The following KLF12 variants were observed in gnomAD, a reference collection of about 807,000 sequenced individuals.
KLF12 encodes the protein Krueppel-like factor 12.
KLF12 carries 9 observed loss-of-function variants against 37.8 expected under a neutral mutation model. The ratio of observed to expected loss-of-function variants is 0.24; its 90% CI spans 0.14 to 0.42. The LOEUF (loss-of-function observed/expected upper bound fraction) is 0.42. Among genes scored for constraint, KLF12 ranks in the 10% least tolerant of loss-of-function variants. The probability of loss-of-function intolerance (pLI) is 1.00; values close to 1 mark genes in which losing one functional copy is unlikely to be tolerated. For synonymous variants in KLF12, 208 were observed against 202.1 expected, an observed-to-expected ratio of 1.03 and a Z score of -0.25; for missense variants, 411 against 516.0, an observed-to-expected ratio of 0.80 and a Z score of 1.97.
chr13:74,207,010 C>G, the KLF12 span, among the ~76,000 whole-genome samples: 1 of 152,128 alleles, frequency 6.6e-6, no homozygotes, highest in African/African-American at 2.4e-5. Flanking sequence ...TTTATTGGCT[C>G]ACAGTTCTAG....
the KLF12 span, among the ~76,000 whole-genome samples, chr13:74,262,907 T>C: frequency 1.3e-5 from 2 of 152,198 alleles, no homozygotes; most frequent in Non-Finnish European, 1.5e-5. Context: ...AAATATGCAT[T>C]CGTAATTTTT....
the KLF12 span, chr13:74,259,380 C>G: frequency 2.6e-5 from 4 of 152,202 alleles, no homozygotes; most frequent in African/African-American, 9.7e-5. Flanking sequence ...TCTCTGCAAC[C>G]TCTTTCCTGC....
chr13:73,705,808 A>G (rs1413650016), intron 7 of KLF12, among the ~76,000 whole-genome samples: 3 of 152,204 alleles, frequency 2.0e-5, no homozygotes, highest in African/African-American at 7.2e-5. Context: ...ATGTATGGAT[A>G]AAATGAAGCC....
At chr13:73,827,708 A>G (rs7983952) in intron 4 of KLF12, among the ~76,000 whole-genome samples, 38,198 of 151,800 alleles carry the variant, frequency 0.25, 4,955 homozygotes, top group East Asian at 0.48. Flanking sequence ...GATTACAGGC[A>G]CCCATCACCA....
the KLF12 span, among the ~76,000 whole-genome samples, chr13:74,242,142 G>C: frequency 6.6e-6 from 1 of 152,202 alleles, no homozygotes; most frequent in Non-Finnish European, 1.5e-5. Flanking sequence ...GTATAGATCA[G>C]TTGAATAGTC....
At chr13:74,042,745 A>G (rs954928073) in intron 1 of KLF12, among the ~76,000 whole-genome samples, 2 of 152,228 alleles carry the variant, frequency 1.3e-5, no homozygotes, top group Non-Finnish European at 2.9e-5. Flanking sequence ...AATATTTGCA[A>G]TGTGTCATTC....
At chr13:74,065,287 G>A (rs1245162802) in intron 1 of KLF12, among the ~76,000 whole-genome samples, 1 of 150,560 alleles carries the variant, frequency 6.6e-6, no homozygotes, top group African/African-American at 2.4e-5. Flanking sequence ...CATACATATT[G>A]GCATGTATAT....
intron 4 of KLF12, among the ~76,000 whole-genome samples, chr13:73,835,921 C>G (rs1427749597): frequency 5.9e-5 from 9 of 152,064 alleles, no homozygotes; most frequent in Admixed American, 5.9e-4. Context: ...CTACTGTAAA[C>G]TAGAGCTGGC....
chr13:73,719,716 C>G (rs1449450152), intron 6 of KLF12, among the ~76,000 whole-genome samples: 1 of 152,074 alleles, frequency 6.6e-6, no homozygotes. Context: ...GATCCTCCCC[C>G]TCAGCCTCCT....
intron 4 of KLF12, among the ~76,000 whole-genome samples, chr13:73,838,208 C>A (rs191575618): frequency 1.1e-4 from 17 of 152,252 alleles, no homozygotes; most frequent in Non-Finnish European, 2.2e-4. Flanking sequence ...TATTTTCTTT[C>A]ACAAATATAA....
At chr13:74,267,701 T>G in the KLF12 span, among the ~76,000 whole-genome samples, 2 of 152,152 alleles carry the variant, frequency 1.3e-5, no homozygotes, top group Non-Finnish European at 2.9e-5. Flanking sequence ...TAATTTATTG[T>G]ATAGTTAAAA....
the KLF12 span, among the ~76,000 whole-genome samples, chr13:74,241,003 G>A: frequency 6.6e-6 from 1 of 152,208 alleles, no homozygotes; most frequent in African/African-American, 2.4e-5. Context: ...GCGTTCCTTT[G>A]GAGGAGGAGA....
chr13:74,083,883 G>A (rs1446723612), intron 1 of KLF12, among the ~76,000 whole-genome samples: 1 of 152,148 alleles, frequency 6.6e-6, no homozygotes, highest in Admixed American at 6.5e-5. Context: ...TGGAAAGCAG[G>A]TTGGCTTCTT....
intron 4 of KLF12, among the ~76,000 whole-genome samples, chr13:73,816,025 T>C (rs942449820): frequency 6.6e-6 from 1 of 152,246 alleles, no homozygotes; most frequent in African/African-American, 2.4e-5. Flanking sequence ...ATAAATATTA[T>C]GAAATACATC....
At chr13:73,870,865 T>C (rs1886429206) in intron 3 of KLF12, among the ~76,000 whole-genome samples, 1 of 152,236 alleles carries the variant, frequency 6.6e-6, no homozygotes, top group Admixed American at 6.5e-5. Flanking sequence ...TAATCCCTTG[T>C]TGACTTCCTT....
intron 2 of KLF12, among the ~76,000 whole-genome samples, chr13:73,980,776 G>A (rs375066490): frequency 1.1e-4 from 17 of 152,052 alleles, no homozygotes; most frequent in African/African-American, 3.1e-4. Flanking sequence ...ACTATTTAAC[G>A]CACACCAGAT....
At chr13:74,095,329 A>G (rs2138841184) in intron 1 of KLF12, among the ~76,000 whole-genome samples, 1 of 150,504 alleles carries the variant, frequency 6.6e-6, no homozygotes, top group South Asian at 2.1e-4. Flanking sequence ...CTCGAGGAAT[A>G]AAACCTCTGA....
chr13:74,139,489 T>C, the KLF12 span, among the ~76,000 whole-genome samples: 1 of 152,230 alleles, frequency 6.6e-6, no homozygotes, highest in African/African-American at 2.4e-5. Flanking sequence ...AATAACAAAA[T>C]TCTGCAATGT....
chr13:74,192,827 A>G, the KLF12 span, among the ~76,000 whole-genome samples: 1 of 152,162 alleles, frequency 6.6e-6, no homozygotes, highest in Non-Finnish European at 1.5e-5. Flanking sequence ...TTTCCAAGAA[A>G]ATGAATTATG....
Sources: gnomAD v4.1 joint callset for allele counts (sites outside exome capture counted in the v4.1 genomes callset) on GRCh38, gnomAD v4.1.1 for gene constraint, MANE v1.5 for transcripts, NCBI Gene and HGNC (gene_info 2026-07-23, HGNC 2026-07-21) for gene names.